GNPTAB: variants seen among roughly 807,000 people sequenced by gnomAD.
The protein encoded by GNPTAB is N-acetylglucosamine-1-phosphotransferase subunits alpha/beta.
In GNPTAB, 92 loss-of-function variants were observed where a neutral mutation model predicts 136.6. That is an observed-to-expected ratio of 0.67 (90% confidence interval 0.57 to 0.80). The LOEUF (loss-of-function observed/expected upper bound fraction) is 0.80, where lower values mean the gene tolerates loss of function less well. Among genes scored for constraint, GNPTAB ranks in the 30% least tolerant of loss-of-function variants. The pLI is 0.00. For synonymous variants in GNPTAB, 512 were observed against 535.1 expected, an observed-to-expected ratio of 0.96 and a Z score of 0.60; for missense variants, 1,343 against 1,501.8, an observed-to-expected ratio of 0.89 and a Z score of 1.75.
At chr12:101,788,620 A>ACATATGGGCTACTATACCTC in intron 3 of GNPTAB, 31 bp from the exon 4 acceptor site, 1 of 1,169,442 alleles carries the variant, frequency 8.6e-7, no homozygotes, top group Non-Finnish European at 1.3e-6. Flanking sequence ...TTTATTACAT[A>ACATATGGGCTACTATACCTC]CATATGGGCT....
intron 1 of GNPTAB, among the ~76,000 whole-genome samples, chr12:101,823,914 G>T (rs1458200694): frequency 6.6e-6 from 1 of 152,166 alleles, no homozygotes; most frequent in Non-Finnish European, 1.5e-5. Flanking sequence ...AAGGTAAAGG[G>T]CTAACAGCTA....
In GNPTAB at chr12:101,765,865, C is replaced by CAAACA. The variant is rs145655441; in HGVS notation, c.1612+221_1612+225dup. 4.1e-3 allele frequency: 2,100 copies of CAAACA among 511,170 alleles called. 9 individuals carry two copies. Among genetic ancestry groups the CAAACA allele is most frequent in the Non-Finnish European group, 5.2e-3 (1,456 of 280,300 alleles). 31.7% of individuals were successfully genotyped at this position (511,170 alleles called of 1,614,324 possible). ...TCAGCTAAGGTAAATCTGCTTGGTC[C>CAAACA]AAACAAAACAAAACAAAACAAAACA... On this transcript the variant is annotated intron_variant, in intron 12 of 20. Coordinates refer to ENST00000299314, the MANE Select transcript of GNPTAB (RefSeq NM_024312.5).
intron 1 of GNPTAB, among the ~76,000 whole-genome samples, chr12:101,811,301 A>G (rs1870218126): frequency 6.6e-6 from 1 of 152,252 alleles, no homozygotes; most frequent in Non-Finnish European, 1.5e-5. Context: ...AGCCACGGAC[A>G]GCATGTAAAT....
chr12:101,783,417 C>G (rs1057131484), intron 5 of GNPTAB, among the ~76,000 whole-genome samples: 2 of 152,152 alleles, frequency 1.3e-5, no homozygotes, highest in South Asian at 2.1e-4. Flanking sequence ...TACGTGAGTT[C>G]TGTGTGACCA....
intron 1 of GNPTAB, among the ~76,000 whole-genome samples, chr12:101,814,201 G>A (rs774742404): frequency 4.0e-5 from 6 of 151,238 alleles, no homozygotes; most frequent in African/African-American, 4.9e-5. Flanking sequence ...GGTGAGGCTC[G>A]GGCAGGAGAA....
At chr12:101,748,410 G>A (rs1952767582) in intron 20 of GNPTAB, among the ~76,000 whole-genome samples, 1 of 152,194 alleles carries the variant, frequency 6.6e-6, no homozygotes, top group Admixed American at 6.5e-5. Flanking sequence ...ACCCAAGTCA[G>A]GTTGGTAAAG....
intron 1 of GNPTAB, among the ~76,000 whole-genome samples, chr12:101,826,225 C>T (rs4764824): frequency 6.6e-5 from 10 of 152,060 alleles, no homozygotes; most frequent in East Asian, 1.9e-4. Flanking sequence ...AGAGAGGTCA[C>T]GGAAAAATTA....
At chr12:101,757,912 C>A (rs1202222244) in intron 16 of GNPTAB, among the ~76,000 whole-genome samples, 1 of 152,114 alleles carries the variant, frequency 6.6e-6, no homozygotes, top group Non-Finnish European at 1.5e-5. Context: ...TGGATCATGG[C>A]AAAAACCCCA....
intron 4 of GNPTAB, among the ~76,000 whole-genome samples, chr12:101,786,703 T>C (rs1322326922): frequency 6.6e-6 from 1 of 152,190 alleles, no homozygotes; most frequent in Admixed American, 6.5e-5. Flanking sequence ...AAAATAAATT[T>C]ATATGAGATA....
In GNPTAB at chr12:101,766,230, C is replaced by A. The variant is rs1477421792; in HGVS notation, c.1473G>T (p.Gln491His). The A allele has an allele frequency of 6.2e-7, 1 of 1,614,140 alleles. No homozygotes were observed. The highest frequency in any genetic ancestry group is 8.5e-7 in the Non-Finnish European group (1 of 1,179,964). The change falls in exon 12 of 21, where the codon CAG becomes CAT. Residue 491 changes from glutamine (Q) to histidine (H), a missense_variant. Coordinates refer to ENST00000299314, the MANE Select transcript of GNPTAB (RefSeq NM_024312.5). Reference protein sequence around the residue: ...GGGTGSIGVGQPWQFGGGINS... With the variant: ...GGGTGSIGVGHPWQFGGGINS... ...TTATTCCTCCACCAAACTGCCAGGG[C>A]TGTCCAACTCCAATACTCCCAGTAC...
chr12:101,780,072 A>G lies in GNPTAB; in HGVS notation c.771+80T>C, dbSNP rs886170143. 7.4e-6 allele frequency: 10 copies of G among 1,353,564 alleles called. No individual in the cohort carries two copies. In the African/African-American group the frequency reaches 8.6e-5, roughly 12 times the overall value. The allele number at this position is 1,353,564 out of a possible 1,614,324, so 83.8% of individuals were successfully genotyped here. On this transcript the variant is annotated intron_variant, in intron 7 of 20. Transcript: ENST00000299314. ...ATGTTTATCAGCTAAACTTTGGGGG[A>G]AAAAAATGGACCACAAGAAAAGAAT...
chr12:101,826,672 G>A (rs1871096618), intron 1 of GNPTAB, among the ~76,000 whole-genome samples: 2 of 151,814 alleles, frequency 1.3e-5, no homozygotes, highest in Middle Eastern at 3.4e-3. Context: ...TTGTGGACTT[G>A]TATATAAATG....
chr12:101,777,472 T>C (rs938992351), intron 7 of GNPTAB, among the ~76,000 whole-genome samples: 5 of 152,198 alleles, frequency 3.3e-5, no homozygotes, highest in Admixed American at 1.3e-4. Context: ...ACACCATTTA[T>C]GTTCAGGCCT....
At chr12:101,812,025 G>T (rs1870265421) in intron 1 of GNPTAB, among the ~76,000 whole-genome samples, 1 of 150,300 alleles carries the variant, frequency 6.7e-6, no homozygotes. Context: ...GCCGAGGTGG[G>T]CAGATCACTT....
intron 10 of GNPTAB, 127 bp from the exon 11 acceptor site, chr12:101,768,287 C>G: frequency 2.0e-6 from 2 of 990,658 alleles, no homozygotes. Context: ...AAGGGCTCAG[C>G]GTTCACACTC....
rs1174303700 is a variant in GNPTAB at position 101,822,280 on chromosome 12, G to T, written c.117+8279C>A. 2.0e-5 allele frequency among the ~76,000 whole-genome samples: 3 copies of T among 152,296 alleles called. No homozygotes were observed. In the East Asian group the frequency reaches 5.8e-4, roughly 29 times the overall value. ...TACAAAAAATTAGCCGGGTGAGGTGGCGGGAGCCTGTAGTCCCAGCTACTC... is the reference window on the plus strand; with the variant it reads ...TACAAAAAATTAGCCGGGTGAGGTGTCGGGAGCCTGTAGTCCCAGCTACTC... On this transcript the variant is annotated intron_variant, in intron 1 of 20. Transcript: ENST00000299314.
At chr12:101,751,914 T>C (rs1952825159) in intron 19 of GNPTAB, among the ~76,000 whole-genome samples, 1 of 152,058 alleles carries the variant, frequency 6.6e-6, no homozygotes, top group African/African-American at 2.4e-5. Context: ...AGTTACTTCC[T>C]GTTGCTGTGC....
At chr12:101,761,395 C>A (rs758876480) in intron 14 of GNPTAB, 49 bp from the exon 15 acceptor site, 2 of 1,550,436 alleles carry the variant, frequency 1.3e-6, no homozygotes, top group East Asian at 2.2e-5. Flanking sequence ...AAGTATGTAC[C>A]GTATCTAACA....
At chr12:101,758,464 C>T (rs1412956572) in intron 16 of GNPTAB, among the ~76,000 whole-genome samples, 1 of 152,348 alleles carries the variant, frequency 6.6e-6, no homozygotes, top group South Asian at 2.1e-4. Context: ...CACGTGCCAC[C>T]GTGCCCAGCC....
Sources: gnomAD v4.1 joint callset for allele counts (sites outside exome capture counted in the v4.1 genomes callset) on GRCh38, gnomAD v4.1.1 for gene constraint, MANE v1.5 for transcripts, NCBI Gene and HGNC (gene_info 2026-07-23, HGNC 2026-07-21) for gene names.